The following BCKDHA variants were observed in gnomAD, a reference collection of about 807,000 sequenced individuals.
The protein encoded by BCKDHA is 2-oxoisovalerate dehydrogenase subunit alpha, mitochondrial.
Under a neutral mutation model 52.2 loss-of-function variants are expected in BCKDHA, and 43 were observed. That is an observed-to-expected ratio of 0.82 (90% CI 0.64 to 1.06). BCKDHA has a LOEUF of 1.06. Among genes scored for constraint, BCKDHA ranks in the 50% least tolerant of loss-of-function variants. BCKDHA has a pLI of 0.00. For synonymous variants in BCKDHA, 234 were observed against 247.9 expected, an observed-to-expected ratio of 0.94 and a Z score of 0.53; for missense variants, 527 against 621.3, an observed-to-expected ratio of 0.85 and a Z score of 1.61.
chr19:41,423,830 C>CT (rs1454159689), intron 8 of BCKDHA, among the ~76,000 whole-genome samples: 1 of 82,494 alleles, frequency 1.2e-5, no homozygotes, highest in African/African-American at 7.8e-5. Flanking sequence ...AAGACTCCAT[C>CT]TCAAAAAAAA....
chr19:41,417,085 C>T (rs2039314278), intron 4 of BCKDHA, among the ~76,000 whole-genome samples: 1 of 152,124 alleles, frequency 6.6e-6, no homozygotes, highest in Admixed American at 6.6e-5. Flanking sequence ...GATCTCGGCT[C>T]ACTGCAACCT....
chr19:41,413,915 G>C (rs1192365898), intron 3 of BCKDHA, 134 bp from the exon 4 acceptor site: 2 of 777,106 alleles, frequency 2.6e-6, no homozygotes, highest in Non-Finnish European at 4.5e-6. Flanking sequence ...ACCCCAGCAT[G>C]GCCTGGCCCA....
intron 1 of BCKDHA, among the ~76,000 whole-genome samples, chr19:41,407,634 C>T (rs77449630): frequency 2.6e-5 from 4 of 152,156 alleles, no homozygotes; most frequent in Non-Finnish European, 5.9e-5. Flanking sequence ...AATTTCCTCA[C>T]GACTACAAAT....
chr19:41,420,895 C>T (rs1176741424), intron 5 of BCKDHA, among the ~76,000 whole-genome samples: 1 of 152,210 alleles, frequency 6.6e-6, no homozygotes, highest in Admixed American at 6.5e-5. Context: ...TCCTCCGGGG[C>T]CTGTAGCCTG....
In BCKDHA at chr19:41,397,870, C is replaced by G; in HGVS notation, c.43C>G (p.Arg15Gly). ...IAAARVWRLN[R>G]GLSQAALLLL... is the part of the protein sequence containing the mutation. Reference sequence around the variant, plus strand: ...TGCAGCGAGGGTCTGGCGGCTAAACCGTGGTTTGAGCCAGGCTGCCCTCCT... The same window carrying G: ...TGCAGCGAGGGTCTGGCGGCTAAACGGTGGTTTGAGCCAGGCTGCCCTCCT... Residue 15 changes from arginine (R) to glycine (G), a missense_variant, in exon 1 of 9, where the codon CGT becomes GGT. Coordinates refer to ENST00000269980, the MANE Select transcript of BCKDHA (RefSeq NM_000709.4). 2 of 1,614,140 alleles carry G rather than the reference C, an allele frequency of 1.2e-6. No individual in the cohort carries two copies. The highest frequency in any genetic ancestry group is 1.7e-6 in the Non-Finnish European group (2 of 1,180,036).
intron 1 of BCKDHA, among the ~76,000 whole-genome samples, chr19:41,402,252 T>C (rs990425962): frequency 6.6e-6 from 1 of 152,158 alleles, no homozygotes; most frequent in Non-Finnish European, 1.5e-5. Flanking sequence ...CAAGATGAGA[T>C]TTGAGTGGGG....
chr19:41,411,513 G>C (rs1438505274), intron 3 of BCKDHA, among the ~76,000 whole-genome samples: 2 of 151,820 alleles, frequency 1.3e-5, no homozygotes, highest in Admixed American at 6.6e-5. Context: ...GATCCAGGGG[G>C]TCTTCCAGGC....
In BCKDHA at chr19:41,423,087, C is replaced by T. The variant is rs1405886448; in HGVS notation, c.1085C>T (p.Ser362Phe). 3.2e-6 allele frequency: 5 copies of T among 1,577,100 alleles called. No homozygotes were observed. The highest frequency in any genetic ancestry group is 8.6e-7 in the Non-Finnish European group (1 of 1,161,260). The stretch of plus-strand genomic sequence containing the variant: ...TGGGATAAACAGGACCACCCCATCT[C>T]CCGGCTGCGGCACTATCTGCTGAGC... ...NYWDKQDHPI[S>F]RLRHYLLSQG... The change falls in exon 8 of 9, where the codon TCC (serine) becomes TTC (phenylalanine). Residue 362 changes from serine to phenylalanine, a missense_variant. Ser to Phe is a radical substitution (Grantham distance 155, BLOSUM62 -2). Coordinates refer to ENST00000269980, the MANE Select transcript of BCKDHA (RefSeq NM_000709.4).
intron 2 of BCKDHA, 43 bp downstream of exon 2, chr19:41,410,859 GGCCCCTT>G: frequency 6.2e-7 from 1 of 1,613,668 alleles, no homozygotes; most frequent in Non-Finnish European, 8.5e-7. Context: ...CCCACGCCCA[GGCCCCTT>G]GCCTGTCTCC....
chr19:41,411,054 G>C (rs758919046), intron 3 of BCKDHA, 45 bp downstream of exon 3: 1 of 1,597,398 alleles, frequency 6.3e-7, no homozygotes, highest in Non-Finnish European at 8.6e-7. Context: ...AATTACCTGA[G>C]GTCCCCTACC....
At chr19:41,420,640 C>T (rs1054576279) in intron 5 of BCKDHA, among the ~76,000 whole-genome samples, 4 of 151,884 alleles carry the variant, frequency 2.6e-5, no homozygotes, top group Non-Finnish European at 5.9e-5. Flanking sequence ...CACTCGCTAA[C>T]GGTCATGTGG....
rs767672638 is a variant in BCKDHA at position 41,414,178 on chromosome 19, G to A, written c.484+21G>A. ...GGCAGGTACGTCTGTCCGTGGTTTG[G>A]CCCTGTGGTCCCCATTGAAGTGTAC... is the stretch of plus-strand genomic sequence containing the variant. On this transcript the variant is annotated intron_variant, in intron 4 of 8. Coordinates refer to ENST00000269980, the MANE Select transcript of BCKDHA (RefSeq NM_000709.4). The A allele has an allele frequency of 6.2e-6, 10 of 1,605,114 alleles. No homozygotes were observed. In the South Asian group the frequency reaches 9.9e-5, roughly 16 times the overall value.
chr19:41,421,065 C>A (rs928510142), intron 5 of BCKDHA, among the ~76,000 whole-genome samples: 2 of 152,072 alleles, frequency 1.3e-5, no homozygotes, highest in African/African-American at 4.8e-5. Context: ...GCAGTTTGAG[C>A]CTCTTAGGTG....
At chr19:41,413,611 C>G (rs987939976) in intron 3 of BCKDHA, among the ~76,000 whole-genome samples, 1 of 152,222 alleles carries the variant, frequency 6.6e-6, no homozygotes, top group African/African-American at 2.4e-5. Flanking sequence ...AGACTGTCGG[C>G]AGGTTACCAC....
chr19:41,422,102 G>T, intron 5 of BCKDHA, 62 bp from the exon 6 acceptor site: 1 of 1,507,742 alleles, frequency 6.6e-7, no homozygotes, highest in Non-Finnish European at 9.1e-7. Flanking sequence ...TCATGTGAGT[G>T]TGAATGAGTG....
intron 3 of BCKDHA, among the ~76,000 whole-genome samples, chr19:41,411,639 G>C (rs1244354216): frequency 6.6e-6 from 1 of 152,116 alleles, no homozygotes; most frequent in Non-Finnish European, 1.5e-5. Context: ...ACATTTCCTG[G>C]GCCACTCCTA....
chr19:41,408,834 T>A (rs1451462722), intron 1 of BCKDHA, among the ~76,000 whole-genome samples: 1 of 152,088 alleles, frequency 6.6e-6, no homozygotes, highest in Non-Finnish European at 1.5e-5. Context: ...CTTGAACTCC[T>A]GGGCTCACCT....
At position 41,424,847 on chromosome 19, in the gene BCKDHA, C is replaced by T; in HGVS notation, c.*239C>T. The T allele has an allele frequency of 2.0e-6, 1 of 505,332 alleles. No individual in the cohort carries two copies. The highest frequency in any genetic ancestry group is 3.5e-6 in the Non-Finnish European group (1 of 285,154). The allele number at this position is 505,332 out of a possible 1,614,324, so 31.3% of individuals were successfully genotyped here. A position where few individuals can be genotyped will look rare whatever the true frequency, so the allele number is the denominator to read the frequency against. On this transcript the variant is annotated 3_prime_UTR_variant, in exon 9 of 9. Coordinates refer to ENST00000269980, the MANE Select transcript of BCKDHA (RefSeq NM_000709.4). ...TCAGCCCCCTCTTCACCTGTTGTTA[C>T]AGTGCCTTCTCCCAGGGGCTGGGTG...
chr19:41,399,134 A>G (rs1334124625), intron 1 of BCKDHA, among the ~76,000 whole-genome samples: 3 of 152,088 alleles, frequency 2.0e-5, no homozygotes, highest in African/African-American at 7.2e-5. Context: ...CCCAATCCAT[A>G]AGGAGGGGAA....
Sources: allele counts gnomAD v4.1 joint callset (sites outside exome capture counted in the v4.1 genomes callset), GRCh38; gene constraint gnomAD v4.1.1; transcripts MANE v1.5; gene names NCBI Gene and HGNC (gene_info 2026-07-23, HGNC 2026-07-21).